SFXN4: variants seen among roughly 807,000 people sequenced by gnomAD.
SFXN4 encodes the protein sideroflexin 4.
SFXN4 carries 48 observed loss-of-function variants against 54.6 expected under a neutral mutation model. That is an observed-to-expected ratio of 0.88 (90% CI 0.70 to 1.12). The LOEUF is 1.12. Among genes scored for constraint, SFXN4 ranks in the 50% most tolerant of loss-of-function variants. The probability of loss-of-function intolerance (pLI) is 0.00; values close to 1 mark genes in which losing one functional copy is unlikely to be tolerated. For missense variants in SFXN4, 383 were observed against 409.2 expected (o/e 0.94, Z 0.55); for synonymous variants, 130 against 145.5 (o/e 0.89, Z 0.77).
rs188467947 is a variant in SFXN4, at chr10:119,143,014, G to A, written c.937-1695C>T. On this transcript the variant is annotated intron_variant, in intron 13 of 13. Coordinates refer to ENST00000355697, the MANE Select transcript of SFXN4 (RefSeq NM_213649.2). ...CCCAAAGTGCTGGGATTACAGGCAT[G>A]AGCCACCACGCCCGGCCCCAACAGG... Among the ~76,000 whole-genome samples the A allele has an allele frequency of 1.1e-3, 171 of 152,236 alleles. 1 individual carries two copies. The highest frequency in any genetic ancestry group is 2.2e-3 in the Admixed American group (34 of 15,300).
Position 119,157,904 on chromosome 10 carries a change from T to C in SFXN4, c.438A>G (p.Ala146=), listed in dbSNP as rs753675181. 1.9e-6 allele frequency: 3 copies of C among 1,614,252 alleles called. No individual in the cohort carries two copies. Among genetic ancestry groups the C allele is most frequent in the Non-Finnish European group, 2.5e-6 (3 of 1,180,046 alleles). ...TGTTTCCATTGATGCTGTTGAACGCTGCCATGTAGGCACAGAGGAAAACCT... is the reference window on the plus strand; with the variant it reads ...TGTTTCCATTGATGCTGTTGAACGCCGCCATGTAGGCACAGAGGAAAACCT... ...LPQVFLCAYM[A]AFNSINGNRS... Residue 146 remains alanine, a synonymous_variant, in exon 8 of 14, where the codon GCA becomes GCG. Transcript: ENST00000355697.
chr10:119,164,922 G>A (rs1379477502), intron 1 of SFXN4, among the ~76,000 whole-genome samples: 1 of 152,216 alleles, frequency 6.6e-6, no homozygotes, highest in African/African-American at 2.4e-5. Context: ...TACCAAAAAA[G>A]CGAGTAAAAT....
intron 11 of SFXN4, among the ~76,000 whole-genome samples, chr10:119,150,010 CCT>C (rs1462326265): frequency 1.3e-5 from 2 of 152,118 alleles, no homozygotes; most frequent in Non-Finnish European, 2.9e-5. Flanking sequence ...CCAACCGTGC[CCT>C]GTTACCATCA....
At chr10:119,147,948 A>T in intron 11 of SFXN4, 88 bp from the exon 12 acceptor site, 3 of 1,005,412 alleles carry the variant, frequency 3.0e-6, no homozygotes, top group Non-Finnish European at 4.7e-6. Flanking sequence ...AGGCGGGTAG[A>T]TCGCTTGAGG....
chr10:119,145,888 T>C (rs554818315), intron 13 of SFXN4, among the ~76,000 whole-genome samples: 1 of 152,280 alleles, frequency 6.6e-6, no homozygotes, highest in East Asian at 1.9e-4. Flanking sequence ...AGTGGTGCAA[T>C]CATGGCTCAC....
chr10:119,147,187 G>A (rs1459263605), intron 12 of SFXN4, among the ~76,000 whole-genome samples: 2 of 152,108 alleles, frequency 1.3e-5, no homozygotes, highest in African/African-American at 4.8e-5. Flanking sequence ...GCCCAGCAGG[G>A]GAGCTTCTGT....
intron 13 of SFXN4, among the ~76,000 whole-genome samples, chr10:119,144,550 GCTTT>G (rs748851766): frequency 3.4e-5 from 5 of 147,842 alleles, no homozygotes; most frequent in Non-Finnish European, 7.5e-5. Context: ...AAAAAAATTG[GCTTT>G]CTGACTTAAA....
At chr10:119,141,907 A>G (rs1362169432) in intron 13 of SFXN4, among the ~76,000 whole-genome samples, 1 of 151,902 alleles carries the variant, frequency 6.6e-6, no homozygotes, top group African/African-American at 2.4e-5. Context: ...AATCCCAGCT[A>G]CTCCAGTGGC....
intron 9 of SFXN4, among the ~76,000 whole-genome samples, chr10:119,156,976 TCA>T (rs1004887927): frequency 1.1e-4 from 17 of 152,060 alleles, no homozygotes; most frequent in African/African-American, 3.4e-4. Flanking sequence ...CTGTTGAGAG[TCA>T]CAGAGCCATT....
chr10:119,141,181 C>T lies in SFXN4; in HGVS notation c.*61G>A, dbSNP rs376186435. ...AGACCTGTGGCAAAGTTCTCTAAAC[C>T]GAACCTGGAGAGGGGAAGGTTTTCA... On this transcript the variant is annotated 3_prime_UTR_variant, in exon 14 of 14. Transcript: ENST00000355697. The T allele has an allele frequency of 2.2e-5, 29 of 1,313,840 alleles. No homozygotes were observed. The highest frequency in any genetic ancestry group is 2.6e-5 in the Non-Finnish European group (24 of 919,366). 81.4% of individuals were successfully genotyped at this position (1,313,840 alleles called of 1,614,324 possible).
chr10:119,162,602 T>G (rs1051775197), intron 2 of SFXN4, among the ~76,000 whole-genome samples, 188 bp from the exon 3 acceptor site: 1 of 152,112 alleles, frequency 6.6e-6, no homozygotes, highest in African/African-American at 2.4e-5. Context: ...GATTTATGCC[T>G]TCCTCTTCCT....
intron 1 of SFXN4, chr10:119,165,325 T>C: frequency 7.8e-7 from 1 of 1,283,856 alleles, no homozygotes; most frequent in South Asian, 2.0e-5. Context: ...GTTGTGGTCG[T>C]GGGCATCTGG....
In SFXN4 at chr10:119,156,759, A is replaced by C. The variant is rs755029871; in HGVS notation, c.538-3T>G. The C allele has an allele frequency of 6.2e-7, 1 of 1,600,532 alleles. No individual in the cohort carries two copies. Among genetic ancestry groups the C allele is most frequent in the Non-Finnish European group, 8.5e-7 (1 of 1,170,936 alleles). ...ATCTGGACAAACTGAGGGATTACCT[A>C]GAAAAGAAGAGAGAAAAATCATTAT... On this transcript the variant is annotated splice_polypyrimidine_tract_variant and splice_region_variant and intron_variant, in intron 9 of 13. Coordinates refer to ENST00000355697, the MANE Select transcript of SFXN4 (RefSeq NM_213649.2).
At chr10:119,148,328 G>A (rs1846908006) in intron 11 of SFXN4, among the ~76,000 whole-genome samples, 1 of 152,150 alleles carries the variant, frequency 6.6e-6, no homozygotes, top group East Asian at 1.9e-4. Context: ...ATGTACAGGT[G>A]TGTGGCGGTC....
chr10:119,141,245 C>A lies in SFXN4; in HGVS notation c.1011G>T (p.Val337=), dbSNP rs1164574999. The part of the protein sequence containing the change: ...EETEIFYHRG[V] Reference sequence around the variant, plus strand: ...TAAATTCACCTAAAACTCACGCCTACACCCCTCTGTGATAAAAGATTTCTG... The same window carrying A: ...TAAATTCACCTAAAACTCACGCCTAAACCCCTCTGTGATAAAAGATTTCTG... The change falls in exon 14 of 14, where the codon GTG becomes GTT. Residue 337 remains valine, a synonymous_variant. Transcript: ENST00000355697. 1.2e-6 allele frequency: 2 copies of A among 1,610,370 alleles called. No individual in the cohort carries two copies. Among genetic ancestry groups the A allele is most frequent in the Admixed American group, 3.3e-5 (2 of 59,962 alleles).
In SFXN4 at chr10:119,140,953, T is replaced by C. The variant is rs1846494290; in HGVS notation, c.*289A>G. The C allele has an allele frequency of 3.3e-6, 1 of 302,586 alleles. No homozygotes were observed. The highest frequency in any genetic ancestry group is 6.1e-6 in the Non-Finnish European group (1 of 162,914). The allele number at this position is 302,586 out of a possible 1,614,324, so 18.7% of individuals were successfully genotyped here. A position where few individuals can be genotyped will look rare whatever the true frequency, so the allele number is the denominator to read the frequency against. On this transcript the variant is annotated 3_prime_UTR_variant, in exon 14 of 14. Transcript: ENST00000355697. ...CTCAACTTGAGACAGGTTTATTAGT[T>C]AATTAGTGATTTCACAGTATCCTTT...
intron 13 of SFXN4, among the ~76,000 whole-genome samples, chr10:119,141,854 C>T (rs1472982453): frequency 6.6e-6 from 1 of 151,902 alleles, no homozygotes; most frequent in Non-Finnish European, 1.5e-5. Context: ...TAACATGGTA[C>T]AAAAAATACA....
At chr10:119,143,857 C>A (rs531617330) in intron 13 of SFXN4, among the ~76,000 whole-genome samples, 8 of 152,300 alleles carry the variant, frequency 5.3e-5, no homozygotes, top group Admixed American at 3.3e-4. Context: ...CTCAAGCAAT[C>A]TTCCCACGTT....
intron 2 of SFXN4, among the ~76,000 whole-genome samples, chr10:119,163,675 T>C (rs963437461): frequency 6.6e-6 from 1 of 151,956 alleles, no homozygotes; most frequent in African/African-American, 2.4e-5. Flanking sequence ...AGTGCTGGGA[T>C]TAAAGGCATG....
Sources: gnomAD v4.1 joint callset for allele counts (sites outside exome capture counted in the v4.1 genomes callset) on GRCh38, gnomAD v4.1.1 for gene constraint, MANE v1.5 for transcripts, NCBI Gene and HGNC (gene_info 2026-07-23, HGNC 2026-07-21) for gene names.